The following ASTN2 variants were observed in gnomAD, a reference collection of about 807,000 sequenced individuals.
The protein encoded by ASTN2 is astrotactin 2, also known as astrotactin-2.
ASTN2 carries 54 observed loss-of-function variants against 139.8 expected under a neutral mutation model. That is an observed-to-expected ratio of 0.39 (90% CI 0.31 to 0.48). The LOEUF is 0.48. ASTN2 is among the 20% of genes least tolerant of loss of function. ASTN2 has a pLI of 0.95. For synonymous variants in ASTN2, 756 were observed against 719.5 expected, an observed-to-expected ratio of 1.05 and a Z score of -0.81; for missense variants, 1,565 against 1,725.1, an observed-to-expected ratio of 0.91 and a Z score of 1.64.
intron 2 of ASTN2, among the ~76,000 whole-genome samples, chr9:117,253,843 G>A (rs562630414): frequency 6.6e-6 from 1 of 152,128 alleles, no homozygotes; most frequent in Non-Finnish European, 1.5e-5. Context: ...TACTGGCCTC[G>A]GAAATGCAGT....
intron 19 of ASTN2, among the ~76,000 whole-genome samples, chr9:116,560,314 C>T (rs909467212): frequency 1.3e-5 from 2 of 152,202 alleles, no homozygotes; most frequent in African/African-American, 2.4e-5. Flanking sequence ...TCATGCCAGG[C>T]ACTTTTCTGG....
intron 2 of ASTN2, among the ~76,000 whole-genome samples, chr9:117,255,649 T>C (rs1460217626): frequency 6.6e-6 from 1 of 151,940 alleles, no homozygotes; most frequent in Admixed American, 6.6e-5. Flanking sequence ...CAGAATGGTG[T>C]GAGAAAAGTA....
intron 4 of ASTN2, among the ~76,000 whole-genome samples, chr9:117,097,150 G>A (rs185722155): frequency 6.6e-6 from 1 of 152,318 alleles, no homozygotes; most frequent in East Asian, 1.9e-4. Context: ...GGAGGTCAGG[G>A]CTTGCATGAG....
intron 7 of ASTN2, among the ~76,000 whole-genome samples, chr9:117,006,604 C>A (rs949805073): frequency 2.6e-5 from 4 of 152,160 alleles, no homozygotes; most frequent in Non-Finnish European, 5.9e-5. Flanking sequence ...CACACAGCAG[C>A]CAGAATGGTC....
At chr9:116,510,321 G>T (rs1186754795) in intron 19 of ASTN2, among the ~76,000 whole-genome samples, 2 of 152,096 alleles carry the variant, frequency 1.3e-5, no homozygotes, top group East Asian at 3.9e-4. Flanking sequence ...GGTTGTAGAT[G>T]TGTGGTATTA....
At chr9:117,118,770 T>C (rs1829468522) in intron 4 of ASTN2, among the ~76,000 whole-genome samples, 1 of 152,210 alleles carries the variant, frequency 6.6e-6, no homozygotes. Context: ...ACTGAATACA[T>C]TAACCTTGTT....
At chr9:116,654,453 T>A (rs1858096887) in intron 16 of ASTN2, among the ~76,000 whole-genome samples, 1 of 152,180 alleles carries the variant, frequency 6.6e-6, no homozygotes, top group Admixed American at 6.5e-5. Flanking sequence ...ATGGATTAAG[T>A]AATGTAAAAA....
chr9:117,291,340 G>T lies in ASTN2; in HGVS notation c.616C>A (p.His206Asn), dbSNP rs757676877. The change falls in exon 2 of 23, where the codon CAC becomes AAC. Residue 206 changes from histidine to asparagine, a missense_variant. Transcript: ENST00000313400. ...CCATCACTCACCATCACAGAAATGTGGAGGATGTGCATCTGCTCCTCAACA... is the reference window on the plus strand; with the variant it reads ...CCATCACTCACCATCACAGAAATGTTGAGGATGTGCATCTGCTCCTCAACA... ...EIVEEQMHIL[H>N]ISVMGGLIAL... 25 of 1,613,866 alleles carry T rather than the reference G, an allele frequency of 1.5e-5. No homozygotes were observed. Among genetic ancestry groups the T allele is most frequent in the Non-Finnish European group, 2.0e-5 (24 of 1,179,938 alleles).
intron 6 of ASTN2, among the ~76,000 whole-genome samples, chr9:117,036,745 C>T (rs1838395577): frequency 6.6e-6 from 1 of 152,178 alleles, no homozygotes; most frequent in African/African-American, 2.4e-5. Context: ...ATAATACAGG[C>T]TCTTTCCCCT....
intron 16 of ASTN2, among the ~76,000 whole-genome samples, chr9:116,662,761 A>G (rs1335979839): frequency 6.6e-6 from 1 of 152,174 alleles, no homozygotes; most frequent in African/African-American, 2.4e-5. Context: ...AAAGAAAATC[A>G]TATTTCCCAA....
At chr9:117,143,712 T>C (rs1830127130) in intron 3 of ASTN2, among the ~76,000 whole-genome samples, 1 of 152,044 alleles carries the variant, frequency 6.6e-6, no homozygotes, top group Non-Finnish European at 1.5e-5. Context: ...CAGGGTGCCA[T>C]GGTTTTGGTG....
chr9:117,292,159 A>T (rs1834610816), intron 1 of ASTN2, among the ~76,000 whole-genome samples: 1 of 152,216 alleles, frequency 6.6e-6, no homozygotes, highest in Non-Finnish European at 1.5e-5. Flanking sequence ...ATACTGGCAA[A>T]GCTACTGCCC....
intron 16 of ASTN2, among the ~76,000 whole-genome samples, chr9:116,680,437 C>T (rs1438748609): frequency 6.6e-6 from 1 of 152,128 alleles, no homozygotes; most frequent in Non-Finnish European, 1.5e-5. Flanking sequence ...CCGAATTCTA[C>T]CAGGGGTACA....
At chr9:116,555,883 T>A (rs2119431037) in intron 19 of ASTN2, among the ~76,000 whole-genome samples, 1 of 152,224 alleles carries the variant, frequency 6.6e-6, no homozygotes, top group East Asian at 1.9e-4. Flanking sequence ...CGTCTTGGGT[T>A]AGAGGCTGCT....
intron 10 of ASTN2, among the ~76,000 whole-genome samples, chr9:116,875,965 C>T (rs1360879060): frequency 6.6e-6 from 1 of 151,802 alleles, no homozygotes; most frequent in Non-Finnish European, 1.5e-5. Context: ...TTTTTGCAGC[C>T]CATGCATGAA....
intron 4 of ASTN2, among the ~76,000 whole-genome samples, chr9:117,112,046 A>G (rs1211365229): frequency 6.6e-6 from 1 of 152,096 alleles, no homozygotes; most frequent in Non-Finnish European, 1.5e-5. Context: ...ACAATAGTGT[A>G]GAAAAAACTC....
rs191286447 is a variant in ASTN2 at position 116,714,632 on chromosome 9, C to T, written c.2806+11139G>A. ...CCTAAAAGACCTGACCTAAGTCACACATCTAGAGAATGGAACAGATGACAC... is the reference window on the plus strand; with the variant it reads ...CCTAAAAGACCTGACCTAAGTCACATATCTAGAGAATGGAACAGATGACAC... On this transcript the variant is annotated intron_variant, in intron 16 of 22. Coordinates refer to ENST00000313400, the MANE Select transcript of ASTN2 (RefSeq NM_001365068.1). Among the ~76,000 whole-genome samples, 176 of 152,296 alleles carry T rather than the reference C, an allele frequency of 1.2e-3. 1 individual carries two copies. The highest frequency in any genetic ancestry group is 4.1e-3 in the African/African-American group (170 of 41,562).
At chr9:117,053,499 A>G (rs1334070) in intron 5 of ASTN2, among the ~76,000 whole-genome samples, 98,399 of 151,894 alleles carry the variant, frequency 0.65, 32,173 homozygotes, top group East Asian at 0.72. Flanking sequence ...CATTATGCTC[A>G]TTTTAGAAAT....
At chr9:116,595,562 T>C (rs963069885) in intron 19 of ASTN2, among the ~76,000 whole-genome samples, 1 of 152,140 alleles carries the variant, frequency 6.6e-6, no homozygotes, top group Admixed American at 6.5e-5. Flanking sequence ...CCTGACCTCA[T>C]GGTCCGCCCA....
Sources: allele counts gnomAD v4.1 joint callset (sites outside exome capture counted in the v4.1 genomes callset), GRCh38; gene constraint gnomAD v4.1.1; transcripts MANE v1.5; gene names NCBI Gene and HGNC (gene_info 2026-07-23, HGNC 2026-07-21).